The following CSMD1 variants were observed in gnomAD, a reference collection of about 807,000 sequenced individuals.
The protein encoded by CSMD1 is CUB and sushi domain-containing protein 1.
A neutral mutation model predicts 417.5 loss-of-function variants in CSMD1; 213 were observed. That is an observed-to-expected ratio of 0.51 (90% confidence interval 0.46 to 0.57). The LOEUF (loss-of-function observed/expected upper bound fraction) is 0.57. Ranked by LOEUF, CSMD1 falls within the 20% of genes least tolerant of loss-of-function variation. CSMD1 has a pLI of 0.00. For missense variants in CSMD1, 6,923 were observed against 4,529.7 expected, an observed-to-expected ratio of 1.53 and a Z score of -15.17; for synonymous variants, 2,862 against 1,736.8, an observed-to-expected ratio of 1.65 and a Z score of -16.11.
chr8:4,711,271 AG>A (rs1366398450), intron 1 of CSMD1, among the ~76,000 whole-genome samples: 1 of 152,160 alleles, frequency 6.6e-6, no homozygotes, highest in Non-Finnish European at 1.5e-5. Flanking sequence ...CACTTATAAA[AG>A]AGCACTTGTT....
rs534818268 is a variant in CSMD1 at position 3,210,605 on chromosome 8, T to C, written c.4867+3892A>G. Among the ~76,000 whole-genome samples, 4 of 148,478 alleles carry C rather than the reference T, an allele frequency of 2.7e-5. No homozygotes were observed. The East Asian group carries it at 7.8e-4, about 29-fold the overall frequency. Reference sequence around the variant, plus strand: ...GTATAAATTAATATATAGGTGTGTGTATAAATATATAGACAGGAATATATA... The same window carrying C: ...GTATAAATTAATATATAGGTGTGTGCATAAATATATAGACAGGAATATATA... On this transcript the variant is annotated intron_variant, in intron 30 of 69. Coordinates refer to ENST00000635120, the MANE Select transcript of CSMD1 (RefSeq NM_033225.6).
intron 3 of CSMD1, among the ~76,000 whole-genome samples, chr8:4,362,656 G>A (rs1252359959): frequency 6.6e-6 from 1 of 152,108 alleles, no homozygotes; most frequent in Non-Finnish European, 1.5e-5. Context: ...GCCTCAAGAA[G>A]GAAAGGACAG....
At chr8:4,834,725 G>A (rs578007729) in intron 1 of CSMD1, among the ~76,000 whole-genome samples, 3 of 152,006 alleles carry the variant, frequency 2.0e-5, no homozygotes, top group Non-Finnish European at 4.4e-5. Context: ...GGGAGGCCGA[G>A]GCGGGCGGAT....
chr8:3,551,700 G>C (rs1426624762), intron 10 of CSMD1, among the ~76,000 whole-genome samples: 3 of 150,384 alleles, frequency 2.0e-5, no homozygotes, highest in Non-Finnish European at 4.4e-5. Flanking sequence ...AGACATGACT[G>C]ATGATGAGAA....
At chr8:3,216,759 G>C (rs985137503) in intron 29 of CSMD1, among the ~76,000 whole-genome samples, 56 of 152,200 alleles carry the variant, frequency 3.7e-4, no homozygotes, top group Admixed American at 6.5e-5. Context: ...ATACCTTTGA[G>C]CTTTCCTGCA....
intron 3 of CSMD1, among the ~76,000 whole-genome samples, chr8:4,355,850 G>T (rs533017812): frequency 6.6e-6 from 1 of 152,244 alleles, no homozygotes; most frequent in Non-Finnish European, 1.5e-5. Flanking sequence ...AAGTAGAGGA[G>T]CTTTGGAGGA....
intron 2 of CSMD1, among the ~76,000 whole-genome samples, chr8:4,470,454 G>C (rs548908830): frequency 2.0e-5 from 3 of 152,290 alleles, no homozygotes; most frequent in South Asian, 2.1e-4. Flanking sequence ...AGACAGGTTG[G>C]GGTCATGGTC....
chr8:3,155,620 G>A (rs1292677043), intron 39 of CSMD1, among the ~76,000 whole-genome samples: 1 of 151,662 alleles, frequency 6.6e-6, no homozygotes, highest in Non-Finnish European at 1.5e-5. Context: ...ACTCGCCTCA[G>A]CCTCCCAAAG....
intron 26 of CSMD1, among the ~76,000 whole-genome samples, chr8:3,244,064 C>A (rs1799720677): frequency 1.3e-5 from 2 of 152,110 alleles, no homozygotes; most frequent in South Asian, 2.1e-4. Flanking sequence ...TAAAGCAATA[C>A]CAATATACAG....
chr8:3,791,362 T>C (rs1799731332), intron 5 of CSMD1, among the ~76,000 whole-genome samples: 1 of 152,158 alleles, frequency 6.6e-6, no homozygotes, highest in Admixed American at 6.5e-5. Flanking sequence ...TGTGAAAAAA[T>C]AAATTTGGTG....
chr8:4,305,595 C>G (rs1798201613), intron 3 of CSMD1, among the ~76,000 whole-genome samples: 1 of 152,126 alleles, frequency 6.6e-6, no homozygotes, highest in Non-Finnish European at 1.5e-5. Flanking sequence ...AAAAATTAAC[C>G]TTTCAATACA....
intron 1 of CSMD1, among the ~76,000 whole-genome samples, chr8:4,984,986 C>A (rs762771168): frequency 1.3e-5 from 2 of 152,126 alleles, no homozygotes; most frequent in Non-Finnish European, 2.9e-5. Flanking sequence ...AGAGATTCAT[C>A]CTCTTTGTTA....
chr8:3,742,951 G>A (rs1796887133), intron 6 of CSMD1, among the ~76,000 whole-genome samples: 2 of 152,112 alleles, frequency 1.3e-5, no homozygotes, highest in Admixed American at 1.3e-4. Flanking sequence ...CTTCTTGACA[G>A]GATACCACGA....
intron 3 of CSMD1, among the ~76,000 whole-genome samples, chr8:4,053,769 G>C (rs1022978741): frequency 3.9e-5 from 6 of 151,952 alleles, no homozygotes; most frequent in Admixed American, 2.0e-4. Flanking sequence ...GGCATTTGGG[G>C]GCTTAGATTA....
At position 3,901,742 on chromosome 8, in the gene CSMD1, C is replaced by T. The variant is rs115428848; in HGVS notation, c.818+96161G>A. ...AACAACTGTCTTTATGTAGGCTTAA[C>T]GCTTTTCGATGTGACAAGCCAACAT... On this transcript the variant is annotated intron_variant, in intron 5 of 69. Transcript: ENST00000635120. Among the ~76,000 whole-genome samples, 154 of 152,322 alleles carry T rather than the reference C, an allele frequency of 1.0e-3. 1 individual carries two copies. The highest frequency in any genetic ancestry group is 3.2e-3 in the African/African-American group (132 of 41,572).
chr8:3,324,708 C>T (rs1271266169), intron 23 of CSMD1, among the ~76,000 whole-genome samples: 1 of 149,766 alleles, frequency 6.7e-6, no homozygotes, highest in Non-Finnish European at 1.5e-5. Context: ...TAAAATAGGC[C>T]CACATCTAAC....
At chr8:3,758,611 T>C (rs530750944) in intron 5 of CSMD1, among the ~76,000 whole-genome samples, 1 of 152,328 alleles carries the variant, frequency 6.6e-6, no homozygotes, top group East Asian at 1.9e-4. Context: ...AGATGATTAC[T>C]GTACAAATTA....
At chr8:4,873,178 G>T (rs922697329) in intron 1 of CSMD1, among the ~76,000 whole-genome samples, 3 of 152,110 alleles carry the variant, frequency 2.0e-5, no homozygotes, top group Non-Finnish European at 4.4e-5. Flanking sequence ...AAAATGATAG[G>T]AGGTGGCAAC....
chr8:3,652,611 C>A (rs539641183), intron 7 of CSMD1, among the ~76,000 whole-genome samples: 2 of 152,094 alleles, frequency 1.3e-5, no homozygotes, highest in African/African-American at 2.4e-5. Context: ...CAAAAGAGCT[C>A]GCGCAAGGGA....
Sources: gnomAD v4.1 joint callset for allele counts (sites outside exome capture counted in the v4.1 genomes callset) on GRCh38, gnomAD v4.1.1 for gene constraint, MANE v1.5 for transcripts, NCBI Gene and HGNC (gene_info 2026-07-23, HGNC 2026-07-21) for gene names.